TBCD: variants seen among roughly 807,000 people sequenced by gnomAD.
The protein encoded by TBCD is tubulin folding cofactor D.
TBCD carries 105 observed loss-of-function variants against 169.3 expected under a neutral mutation model. The observed-to-expected ratio is 0.62, with a 90% CI of 0.53 to 0.73. The LOEUF is 0.73. Among genes scored for constraint, TBCD ranks in the 30% least tolerant of loss-of-function variants. The pLI, the probability that TBCD is intolerant of heterozygous loss-of-function variation, is 0.00. For synonymous variants in TBCD, 700 were observed against 643.9 expected (o/e 1.09, Z -1.32); for missense variants, 1,444 against 1,600.1 (o/e 0.90, Z 1.66).
intron 17 of TBCD, among the ~76,000 whole-genome samples, chr17:82,894,896 G>A (rs2059377564): frequency 2.0e-5 from 3 of 152,198 alleles, no homozygotes; most frequent in Non-Finnish European, 4.4e-5. Context: ...AGAATCACTT[G>A]AGCCCGGGAA....
At chr17:82,869,689 C>CGTG (rs2057423175) in intron 13 of TBCD, among the ~76,000 whole-genome samples, 2 of 152,200 alleles carry the variant, frequency 1.3e-5, no homozygotes, top group African/African-American at 4.8e-5. Flanking sequence ...CTGTAGGAGC[C>CGTG]GTGGCCGGCT....
At chr17:82,914,388 GT>G (rs2060879678) in intron 23 of TBCD, among the ~76,000 whole-genome samples, 1 of 152,206 alleles carries the variant, frequency 6.6e-6, no homozygotes, top group Non-Finnish European at 1.5e-5. Context: ...ATCCCTCAGG[GT>G]TCACGGCAGG....
chr17:82,862,886 C>T (rs528949260), intron 13 of TBCD, among the ~76,000 whole-genome samples: 4 of 152,182 alleles, frequency 2.6e-5, no homozygotes, highest in Non-Finnish European at 5.9e-5. Context: ...TCTCACGCGT[C>T]CGAGGTGGCT....
chr17:82,931,645 C>G (rs1004166696), intron 33 of TBCD, among the ~76,000 whole-genome samples: 6 of 152,314 alleles, frequency 3.9e-5, no homozygotes, highest in African/African-American at 1.4e-4. Flanking sequence ...TGCAGGCAGT[C>G]TGTGTGTGCG....
intron 6 of TBCD, among the ~76,000 whole-genome samples, chr17:82,775,633 CA>C (rs1405093926): frequency 2.0e-5 from 3 of 151,524 alleles, no homozygotes; most frequent in Non-Finnish European, 4.4e-5. Context: ...TGCCAACATC[CA>C]CAGCGCTGTA....
Position 82,875,129 on chromosome 17 carries a change from A to G in TBCD, c.1475+4749A>G, listed in dbSNP as rs1213021466. On this transcript the variant is annotated intron_variant, in intron 14 of 38. Coordinates refer to ENST00000355528, the MANE Select transcript of TBCD (RefSeq NM_005993.5). ...CTTGGATTAACTGTTCTTTTGCCTC[A>G]TGGTGTGAATTTATACTGTTCCTGT... 2.6e-5 allele frequency among the ~76,000 whole-genome samples: 4 copies of G among 152,168 alleles called. No homozygotes were observed. In the East Asian group the frequency reaches 7.7e-4, roughly 29 times the overall value.
At chr17:82,940,670 G>C (rs114763384) in intron 37 of TBCD, among the ~76,000 whole-genome samples, 7 of 152,194 alleles carry the variant, frequency 4.6e-5, no homozygotes, top group Non-Finnish European at 1.0e-4. Context: ...GAGAGGAACC[G>C]GGAGCAGCTG....
chr17:82,837,618 TTACA>T (rs1392415510), intron 13 of TBCD, among the ~76,000 whole-genome samples: 1 of 152,196 alleles, frequency 6.6e-6, no homozygotes, highest in African/African-American at 2.4e-5. Context: ...CTAGCGTGTT[TTACA>T]GTGAAGACCT....
Position 82,807,594 on chromosome 17 carries a change from TC to T in TBCD, c.1088-12del. Reference sequence around the variant, plus strand: ...GTGTGGACTCTGTCACGCATCACCTTCCTCTTCCTACAGAGCAGCTGCTGGT... The same window carrying T: ...GTGTGGACTCTGTCACGCATCACCTTCTCTTCCTACAGAGCAGCTGCTGGT... On this transcript the variant is annotated splice_polypyrimidine_tract_variant and intron_variant, in intron 10 of 38. Coordinates refer to ENST00000355528, the MANE Select transcript of TBCD (RefSeq NM_005993.5). 6.7e-7 allele frequency: 1 copy of T among 1,501,610 alleles called. No individual in the cohort carries two copies. The highest frequency in any genetic ancestry group is 8.9e-7 in the Non-Finnish European group (1 of 1,122,212). The allele number at this position is 1,501,610 out of a possible 1,614,324, so 93.0% of individuals were successfully genotyped here.
At chr17:82,873,014 C>T (rs1254643886) in intron 14 of TBCD, among the ~76,000 whole-genome samples, 2 of 152,104 alleles carry the variant, frequency 1.3e-5, no homozygotes, top group African/African-American at 4.8e-5. Flanking sequence ...CTGAGCCAGG[C>T]CCGTCTGGGC....
At chr17:82,859,661 G>C (rs2056601607) in intron 13 of TBCD, 1 of 985,418 alleles carries the variant, frequency 1.0e-6, no homozygotes, top group East Asian at 1.1e-4. Flanking sequence ...TTGTGGACAG[G>C]CTCCTGAGGA....
At chr17:82,881,593 C>G (rs1025807595) in intron 14 of TBCD, among the ~76,000 whole-genome samples, 32 of 152,198 alleles carry the variant, frequency 2.1e-4, no homozygotes, top group African/African-American at 7.5e-4. Flanking sequence ...TTGGGGTACC[C>G]CGTGCCTACG....
At chr17:82,932,766 C>A in intron 34 of TBCD, 31 bp downstream of exon 34, 1 of 1,606,752 alleles carries the variant, frequency 6.2e-7, no homozygotes, top group Middle Eastern at 1.7e-4. Context: ...ACTTCCTTTC[C>A]GATTAAGCCT....
intron 7 of TBCD, among the ~76,000 whole-genome samples, chr17:82,791,760 C>T (rs1332875506): frequency 6.6e-6 from 1 of 152,210 alleles, no homozygotes; most frequent in African/African-American, 2.4e-5. Context: ...CATGCGTCCC[C>T]TAACAATGAG....
intron 32 of TBCD, 143 bp downstream of exon 32, chr17:82,929,643 G>T: frequency 8.6e-7 from 1 of 1,160,036 alleles, no homozygotes; most frequent in South Asian, 1.3e-5. Flanking sequence ...TAGGGGGTCA[G>T]GGGCCCAGTG....
chr17:82,839,188 T>C (rs954405577), intron 13 of TBCD, among the ~76,000 whole-genome samples: 8 of 152,248 alleles, frequency 5.3e-5, no homozygotes, highest in African/African-American at 1.4e-4. Context: ...AGATAGTAAA[T>C]TCGGCACTGT....
chr17:82,778,362 A>G (rs2048731736), intron 6 of TBCD, among the ~76,000 whole-genome samples: 1 of 152,172 alleles, frequency 6.6e-6, no homozygotes, highest in South Asian at 2.1e-4. Flanking sequence ...TCACCACCTT[A>G]ATGCTGCTTC....
At position 82,884,099 on chromosome 17, in the gene TBCD, T is replaced by G. The variant is rs1169705833; in HGVS notation, c.1476-46T>G. On this transcript the variant is annotated intron_variant, in intron 14 of 38. Transcript: ENST00000355528. The surrounding 1 kb of genome is among the most constrained non-coding windows in gnomAD (Gnocchi z 4.2). ...CTCATCGATACTGTGTGGTCTGTAC[T>G]GTTTTGCAGAATTTCTTTTTAATTA... The G allele has an allele frequency of 6.5e-7, 1 of 1,545,914 alleles. No individual in the cohort carries two copies. Among genetic ancestry groups the G allele is most frequent in the Non-Finnish European group, 8.8e-7 (1 of 1,135,638 alleles).
At chr17:82,771,172 C>G (rs779061087) in intron 5 of TBCD, among the ~76,000 whole-genome samples, 2 of 151,710 alleles carry the variant, frequency 1.3e-5, no homozygotes, top group African/African-American at 4.8e-5. Flanking sequence ...TTTAAGGCAG[C>G]CCTCCGAAAA....
Sources: allele counts gnomAD v4.1 joint callset (sites outside exome capture counted in the v4.1 genomes callset), GRCh38; gene constraint gnomAD v4.1.1; non-coding constraint Gnocchi (gnomAD v3.1); transcripts MANE v1.5; gene names NCBI Gene and HGNC (gene_info 2026-07-23, HGNC 2026-07-21).